The following CAPN2 variants were observed in gnomAD, a reference collection of about 807,000 sequenced individuals.
CAPN2 encodes the protein calpain 2.
A neutral mutation model predicts 102.3 loss-of-function variants in CAPN2; 92 were observed. The observed-to-expected ratio is 0.90, with a 90% confidence interval of 0.76 to 1.07. CAPN2 has a LOEUF of 1.07. Ranked by LOEUF, CAPN2 falls within the 50% of genes least tolerant of loss-of-function variation. The probability of loss-of-function intolerance (pLI) is 0.00; values close to 1 mark genes in which losing one functional copy is unlikely to be tolerated. For synonymous variants in CAPN2, 340 were observed against 355.4 expected, an observed-to-expected ratio of 0.96 and a Z score of 0.49; for missense variants, 800 against 909.4, an observed-to-expected ratio of 0.88 and a Z score of 1.55.
Position 223,775,078 on chromosome 1 carries a change from C to T in CAPN2, c.*221C>T, listed in dbSNP as rs571027506. ...ATCATTATACTAAATGCAAATGAGT[C>T]GCTTAACCCTTGACAAGGTCAAAGA... On this transcript the variant is annotated 3_prime_UTR_variant, in exon 21 of 21. Transcript: ENST00000295006. 5.0e-5 allele frequency: 28 copies of T among 557,384 alleles called. No homozygotes were observed. Among genetic ancestry groups the T allele is most frequent in the Admixed American group, 3.4e-4 (10 of 29,668 alleles). The allele number at this position is 557,384 out of a possible 1,614,324, so 34.5% of individuals were successfully genotyped here. A position where few individuals can be genotyped will look rare whatever the true frequency, so the allele number is the denominator to read the frequency against.
At chr1:223,717,854 G>C in intron 2 of CAPN2, 23 bp downstream of exon 2, 1 of 1,587,270 alleles carries the variant, frequency 6.3e-7, no homozygotes. Context: ...TTCAGAGCAA[G>C]CTGGGGGATC....
chr1:223,748,674 C>T (rs1272538491), intron 5 of CAPN2, among the ~76,000 whole-genome samples: 4 of 148,954 alleles, frequency 2.7e-5, no homozygotes, highest in African/African-American at 1.0e-4. Context: ...CCTCTCTCGG[C>T]CGTGCGCCCT....
chr1:223,720,027 G>A (rs1285405938), intron 2 of CAPN2, among the ~76,000 whole-genome samples: 1 of 152,152 alleles, frequency 6.6e-6, no homozygotes, highest in South Asian at 2.1e-4. Flanking sequence ...CAGGAACAGA[G>A]GCCATGGCAG....
At chr1:223,717,638 C>T (rs768831681) in intron 1 of CAPN2, 124 bp from the exon 2 acceptor site, 5 of 739,798 alleles carry the variant, frequency 6.8e-6, no homozygotes, top group Non-Finnish European at 1.2e-5. Context: ...TGTGATGACA[C>T]ACTTTCCCCA....
At chr1:223,747,276 C>T (rs1022888678) in intron 5 of CAPN2, 111 bp downstream of exon 5, 9 of 1,083,888 alleles carry the variant, frequency 8.3e-6, no homozygotes, top group Middle Eastern at 3.1e-4. Flanking sequence ...ATGCAGCCCT[C>T]GTCCACGTAG....
chr1:223,737,107 A>G (rs769552396), intron 2 of CAPN2, among the ~76,000 whole-genome samples: 3 of 152,204 alleles, frequency 2.0e-5, no homozygotes, highest in Non-Finnish European at 4.4e-5. Flanking sequence ...AGGAAGGGAC[A>G]GGAGGCCCCT....
Position 223,717,821 on chromosome 1 carries a change from A to G in CAPN2, c.297A>G (p.Gln99=). The G allele has an allele frequency of 6.2e-7, 1 of 1,613,694 alleles. No individual in the cohort carries two copies. Among genetic ancestry groups the G allele is most frequent in the South Asian group, 1.1e-5 (1 of 91,078 alleles). Residue 99 remains glutamine (Q), a synonymous_variant, in exon 2 of 21, where the codon CAA becomes CAG. Coordinates refer to ENST00000295006, the MANE Select transcript of CAPN2 (RefSeq NM_001748.5). ...IGGATRTDIC[Q]GALGDCWLLA... Reference sequence around the variant, plus strand: ...GAGCCACCCGCACAGACATCTGCCAAGGAGCCCTGGGTAAGTGATAGATTC... The same window carrying G: ...GAGCCACCCGCACAGACATCTGCCAGGGAGCCCTGGGTAAGTGATAGATTC...
chr1:223,748,435 A>AC (rs1373640637), intron 5 of CAPN2, among the ~76,000 whole-genome samples: 14 of 152,262 alleles, frequency 9.2e-5, no homozygotes, highest in African/African-American at 3.4e-4. Context: ...CCCAGGCTCA[A>AC]CCTTCATCAG....
At chr1:223,767,698 TATACCC>T (rs1016988225) in intron 16 of CAPN2, among the ~76,000 whole-genome samples, 2 of 147,774 alleles carry the variant, frequency 1.4e-5, no homozygotes, top group African/African-American at 4.9e-5. Context: ...CCTTTGGGTA[TATACCC>T]AGTAATGGGA....
In CAPN2 at chr1:223,745,353, G is replaced by A. The variant is rs749816474; in HGVS notation, c.474G>A (p.Leu158=). ...EWVEVVVDDR[L]PTKDGELLFV... is the part of the protein sequence containing the mutation. ...TGGAGGTGGTGGTGGATGACAGGCT[G>A]CCCACCAAGGACGGGGAGCTGCTCT... Residue 158 remains leucine, a synonymous_variant, in exon 4 of 21, where the codon CTG becomes CTA. Transcript: ENST00000295006. 48 of 1,614,076 alleles carry A rather than the reference G, an allele frequency of 3.0e-5. No individual in the cohort carries two copies. The highest frequency in any genetic ancestry group is 1.6e-4 in the Middle Eastern group (1 of 6,082).
At chr1:223,728,913 A>T (rs138042887) in intron 2 of CAPN2, among the ~76,000 whole-genome samples, 1 of 152,228 alleles carries the variant, frequency 6.6e-6, no homozygotes, top group African/African-American at 2.4e-5. Context: ...TTTACTGGGC[A>T]TCTGTTATAG....
intron 8 of CAPN2, among the ~76,000 whole-genome samples, chr1:223,752,478 G>T (rs1288872208): frequency 6.6e-6 from 1 of 152,208 alleles, no homozygotes; most frequent in African/African-American, 2.4e-5. Flanking sequence ...ATAACCACCT[G>T]CACCTGGACA....
chr1:223,761,724 C>G (rs1661190624), intron 13 of CAPN2, 107 bp downstream of exon 13: 2 of 920,730 alleles, frequency 2.2e-6, no homozygotes, highest in Non-Finnish European at 3.5e-6. Context: ...AAGCCTGAAA[C>G]TAAGGATAAA....
chr1:223,773,264 A>T (rs1306833550), intron 20 of CAPN2: 1 of 152,254 alleles, frequency 6.6e-6, no homozygotes, highest in Non-Finnish European at 1.5e-5. Context: ...CTCTAAAAAA[A>T]TAAAAAATTA....
In CAPN2 at chr1:223,734,746, G is replaced by A. The variant is rs531557317; in HGVS notation, c.308-9354G>A. ...ACTTCCCTTGAGTTTCAGTTTCCAC[G>A]CCTATAAAATTAGCAAATGAAAAGA... is the stretch of plus-strand genomic sequence containing the variant. On this transcript the variant is annotated intron_variant, in intron 2 of 20. Coordinates refer to ENST00000295006, the MANE Select transcript of CAPN2 (RefSeq NM_001748.5). 1.7e-4 allele frequency among the ~76,000 whole-genome samples: 26 copies of A among 152,254 alleles called. No individual in the cohort carries two copies. In the South Asian group the frequency reaches 5.0e-3, roughly 29 times the overall value.
chr1:223,763,771 G>A (rs746456219), intron 14 of CAPN2, among the ~76,000 whole-genome samples: 16 of 152,122 alleles, frequency 1.1e-4, no homozygotes, highest in Non-Finnish European at 4.4e-5. Flanking sequence ...TACTGCATCC[G>A]TACATTAAAA....
In CAPN2 at chr1:223,712,576, C is replaced by T; in HGVS notation, c.-65C>T. On this transcript the variant is annotated 5_prime_UTR_variant, in exon 1 of 21. Coordinates refer to ENST00000295006, the MANE Select transcript of CAPN2 (RefSeq NM_001748.5). ...AGCGCGCCGGGCCCTGGCCGCGCCC[C>T]AGCCGAGCGCAGCGCGGAGTCGCCC... 1 of 1,401,582 alleles carries T rather than the reference C, an allele frequency of 7.1e-7. No homozygotes were observed. The highest frequency in any genetic ancestry group is 9.3e-7 in the Non-Finnish European group (1 of 1,078,958). 86.8% of individuals were successfully genotyped at this position (1,401,582 alleles called of 1,614,324 possible). A position where few individuals can be genotyped will look rare whatever the true frequency, so the allele number is the denominator to read the frequency against.
chr1:223,757,506 C>A, intron 11 of CAPN2, 126 bp downstream of exon 11: 1 of 1,025,212 alleles, frequency 9.8e-7, no homozygotes. Flanking sequence ...GAGTCCTGGC[C>A]ACCCCTGGGG....
At chr1:223,753,548 T>A (rs1164777068) in intron 9 of CAPN2, among the ~76,000 whole-genome samples, 2 of 152,252 alleles carry the variant, frequency 1.3e-5, no homozygotes, top group Admixed American at 6.5e-5. Context: ...CTGAACATGA[T>A]GACATCTGCC....
Sources: gnomAD v4.1 joint callset for allele counts (sites outside exome capture counted in the v4.1 genomes callset) on GRCh38, gnomAD v4.1.1 for gene constraint, MANE v1.5 for transcripts, NCBI Gene and HGNC (gene_info 2026-07-23, HGNC 2026-07-21) for gene names.